Variants in SLC7A1 observed in about 807,000 individuals in gnomAD.
The protein encoded by SLC7A1 is solute carrier family 7 member 1, also known as high affinity cationic amino acid transporter 1.
In SLC7A1, 10 loss-of-function variants were observed where a neutral mutation model predicts 53.9. The observed-to-expected ratio is 0.19, with a 90% confidence interval of 0.11 to 0.31. SLC7A1 has a LOEUF of 0.31. Ranked by LOEUF, SLC7A1 falls within the 10% of genes least tolerant of loss-of-function variation. The pLI, the probability that SLC7A1 is intolerant of heterozygous loss-of-function variation, is 1.00. For missense variants in SLC7A1, 525 were observed against 827.2 expected, an observed-to-expected ratio of 0.63 and a Z score of 4.48; for synonymous variants, 342 against 338.7, an observed-to-expected ratio of 1.01 and a Z score of -0.11.
chr13:29,549,721 G>A (rs1445467972), intron 2 of SLC7A1, among the ~76,000 whole-genome samples: 1 of 152,220 alleles, frequency 6.6e-6, no homozygotes, highest in African/African-American at 2.4e-5. Context: ...CTGGAGTGCA[G>A]GGGCACCATC....
intron 1 of SLC7A1, among the ~76,000 whole-genome samples, chr13:29,576,357 C>T (rs1169567162): frequency 6.7e-6 from 1 of 148,704 alleles, no homozygotes; most frequent in Non-Finnish European, 1.5e-5. Flanking sequence ...GGAAGAACCA[C>T]ACAAACTATA....
chr13:29,578,803 A>T (rs1329469622), intron 1 of SLC7A1, among the ~76,000 whole-genome samples: 3 of 152,242 alleles, frequency 2.0e-5, no homozygotes, highest in African/African-American at 7.2e-5. Context: ...GCCTGTCAAA[A>T]GCCACAGACT....
chr13:29,530,179 T>C (rs966491085), intron 5 of SLC7A1, among the ~76,000 whole-genome samples: 1 of 152,188 alleles, frequency 6.6e-6, no homozygotes, highest in Non-Finnish European at 1.5e-5. Flanking sequence ...GAAAAATCTT[T>C]TCTGAACACA....
At chr13:29,533,518 T>G (rs968313836) in intron 3 of SLC7A1, among the ~76,000 whole-genome samples, 1 of 152,198 alleles carries the variant, frequency 6.6e-6, no homozygotes, top group Non-Finnish European at 1.5e-5. Context: ...TAGGAAGTCC[T>G]TGAAGGGGCT....
chr13:29,529,424 C>T (rs1199470841), intron 5 of SLC7A1, among the ~76,000 whole-genome samples: 2 of 152,208 alleles, frequency 1.3e-5, no homozygotes, highest in Non-Finnish European at 2.9e-5. Context: ...CTCTATGTGG[C>T]CCCCAGTGGA....
chr13:29,567,191 C>A lies in SLC7A1; in HGVS notation c.-114-13331G>T, dbSNP rs149206357. Among the ~76,000 whole-genome samples, 118 of 152,168 alleles carry A rather than the reference C, an allele frequency of 7.8e-4. 1 individual carries two copies. Among genetic ancestry groups the A allele is most frequent in the African/African-American group, 2.7e-3 (111 of 41,500 alleles). The stretch of plus-strand genomic sequence containing the variant: ...GCTTAAATATTTCATGGTGACAGGG[C>A]GCAGAATAATAAAAATGGGGCAGGT... On this transcript the variant is annotated intron_variant, in intron 1 of 12. Transcript: ENST00000380752.
chr13:29,589,020 A>G (rs769009750), intron 1 of SLC7A1, among the ~76,000 whole-genome samples: 8 of 152,106 alleles, frequency 5.3e-5, no homozygotes, highest in Admixed American at 2.6e-4. Flanking sequence ...TGTCCCTGAC[A>G]CTGTGGAAAA....
At chr13:29,515,419 C>A (rs1410912275) in intron 12 of SLC7A1, among the ~76,000 whole-genome samples, 1 of 152,222 alleles carries the variant, frequency 6.6e-6, no homozygotes, top group Non-Finnish European at 1.5e-5. Context: ...CAGTGGGCCG[C>A]AAAGTATTTC....
intron 1 of SLC7A1, among the ~76,000 whole-genome samples, chr13:29,589,897 C>A (rs1370559984): frequency 6.6e-6 from 1 of 152,198 alleles, no homozygotes; most frequent in Non-Finnish European, 1.5e-5. Flanking sequence ...AAGGGCCGAT[C>A]CCACTGGGTG....
chr13:29,595,330 C>G (rs542678731), intron 1 of SLC7A1, 86 bp downstream of exon 1: 2 of 151,814 alleles, frequency 1.3e-5, no homozygotes, highest in Non-Finnish European at 2.9e-5. Flanking sequence ...GCCGCCCTGC[C>G]GCGGCCCCAC....
In SLC7A1 at chr13:29,511,558, CT is replaced by C. The variant is rs1454322420; in HGVS notation, c.*2921del. On this transcript the variant is annotated 3_prime_UTR_variant, in exon 13 of 13. Coordinates refer to ENST00000380752, the MANE Select transcript of SLC7A1 (RefSeq NM_003045.5). ...GCCTGGTCTCCTCCGGACGGTGCCC[CT>C]CCCAACTGCAGAGCTGCCCTCCTGT... is the stretch of plus-strand genomic sequence containing the variant. 1 of 152,202 alleles carries C rather than the reference CT, an allele frequency of 6.6e-6. No individual in the cohort carries two copies. The highest frequency in any genetic ancestry group is 1.5e-5 in the Non-Finnish European group (1 of 68,092). 9.4% of individuals were successfully genotyped at this position (152,202 alleles called of 1,614,324 possible). A position where few individuals can be genotyped will look rare whatever the true frequency, so the allele number is the denominator to read the frequency against.
intron 1 of SLC7A1, among the ~76,000 whole-genome samples, chr13:29,567,624 G>GCTGC (rs1871024671): frequency 6.6e-6 from 1 of 152,186 alleles, no homozygotes; most frequent in South Asian, 2.1e-4. Flanking sequence ...ACACTCCTGG[G>GCTGC]TGTTTACAAG....
At position 29,523,289 on chromosome 13, in the gene SLC7A1, G is replaced by A. The variant is rs754728239; in HGVS notation, c.1026C>T (p.Gly342=). 1 of 1,613,464 alleles carries A rather than the reference G, an allele frequency of 6.2e-7. No homozygotes were observed. Among genetic ancestry groups the A allele is most frequent in the South Asian group, 1.1e-5 (1 of 91,074 alleles). The change falls in exon 7 of 13, where the codon GGC becomes GGT. Residue 342 remains glycine (G), a synonymous_variant. Coordinates refer to ENST00000380752, the MANE Select transcript of SLC7A1 (RefSeq NM_003045.5). ...WEGAKYAVAV[G]SLCALSASLL... ...ACCTGGCGGAAAGAGCGCAGAGGGA[G>A]CCCACGGCCACTGCGTACTTGGCAC... is the stretch of plus-strand genomic sequence containing the variant.
chr13:29,557,763 G>C (rs1271928994), intron 1 of SLC7A1, among the ~76,000 whole-genome samples: 1 of 100,894 alleles, frequency 9.9e-6, no homozygotes, highest in Admixed American at 1.0e-4. Context: ...AGGGAGGAGT[G>C]AATATGAGTG....
At chr13:29,533,030 C>T in intron 3 of SLC7A1, 48 bp from the exon 4 acceptor site, 1 of 1,553,536 alleles carries the variant, frequency 6.4e-7, no homozygotes, top group Non-Finnish European at 8.7e-7. Context: ...CAACTGTTAG[C>T]CAGGTATTTG....
intron 1 of SLC7A1, among the ~76,000 whole-genome samples, chr13:29,591,114 T>A (rs554228954): frequency 6.6e-6 from 1 of 151,874 alleles, no homozygotes; most frequent in Non-Finnish European, 1.5e-5. Flanking sequence ...TATCTCAAAA[T>A]ATATATATAT....
chr13:29,517,762 A>G lies in SLC7A1; in HGVS notation c.1321T>C (p.Tyr441His). 1 of 1,614,194 alleles carries G rather than the reference A, an allele frequency of 6.2e-7. No individual in the cohort carries two copies. Residue 441 changes from tyrosine (Y) to histidine (H), a missense_variant, in exon 10 of 13, where the codon TAC (tyrosine) becomes CAC (histidine). Tyr to His is a moderately conservative substitution (Grantham distance 83). Transcript: ENST00000380752. ...TCGTCGGAAGTACTGGCCATCTGGT[A>G]TACCAGGTTAGGCTGCTCTGGCTGG... is the stretch of plus-strand genomic sequence containing the variant. ...RYQPEQPNLV[Y>H]QMASTSDELD...
In SLC7A1 at chr13:29,517,750, T is replaced by C. The variant is rs892266486; in HGVS notation, c.1333A>G (p.Ser445Gly). Reference sequence around the variant, plus strand: ...GCTGGATCTAACTCGTCGGAAGTACTGGCCATCTGGTATACCAGGTTAGGC... The same window carrying C: ...GCTGGATCTAACTCGTCGGAAGTACCGGCCATCTGGTATACCAGGTTAGGC... The part of the protein sequence containing the change: ...EQPNLVYQMA[S>G]TSDELDPADQ... Residue 445 changes from serine (S) to glycine (G), a missense_variant, in exon 10 of 13, where the codon AGT becomes GGT. Transcript: ENST00000380752. 3 of 1,614,252 alleles carry C rather than the reference T, an allele frequency of 1.9e-6. No homozygotes were observed. The highest frequency in any genetic ancestry group is 2.5e-6 in the Non-Finnish European group (3 of 1,180,042).
At position 29,532,989 on chromosome 13, in the gene SLC7A1, C is replaced by CA. The variant is rs759879922; in HGVS notation, c.371-8dup. 11 of 1,610,964 alleles carry CA rather than the reference C, an allele frequency of 6.8e-6. No individual in the cohort carries two copies. The highest frequency in any genetic ancestry group is 9.3e-6 in the Non-Finnish European group (11 of 1,178,538). On this transcript the variant is annotated splice_polypyrimidine_tract_variant and splice_region_variant and intron_variant, in intron 3 of 12. Coordinates refer to ENST00000380752, the MANE Select transcript of SLC7A1 (RefSeq NM_003045.5). Reference sequence around the variant, plus strand: ...CTCGCTACGCTTGAAGTACCTGCCACAAAGCACACACAACAGAGGAGATGT... The same window carrying CA: ...CTCGCTACGCTTGAAGTACCTGCCACAAAAGCACACACAACAGAGGAGATGT...
Sources: gnomAD v4.1 joint callset for allele counts (sites outside exome capture counted in the v4.1 genomes callset) on GRCh38, gnomAD v4.1.1 for gene constraint, MANE v1.5 for transcripts, NCBI Gene and HGNC (gene_info 2026-07-23, HGNC 2026-07-21) for gene names.